SIRPG: variants seen among roughly 807,000 people sequenced by gnomAD.
SIRPG encodes signal-regulatory protein gamma.
SIRPG carries 38 observed loss-of-function variants against 35.7 expected under a neutral mutation model. The ratio of observed to expected loss-of-function variants is 1.06; its 90% confidence interval spans 0.82 to 1.40. SIRPG has a LOEUF of 1.40. Among genes scored for constraint, SIRPG ranks in the 40% most tolerant of loss-of-function variants. The pLI is 0.00. For synonymous variants in SIRPG, 215 were observed against 190.4 expected (o/e 1.13, Z -1.06); for missense variants, 519 against 483.0 (o/e 1.07, Z -0.70).
rs1465470091 is a variant in SIRPG at position 1,630,273 on chromosome 20, A to C, written c.1115T>G (p.Ile372Arg). 6.4e-7 allele frequency: 1 copy of C among 1,573,588 alleles called. No homozygotes were observed. Among genetic ancestry groups the C allele is most frequent in the African/African-American group, 1.3e-5 (1 of 74,260 alleles). ...GTAGATGGGGCCCAGGAGGACAGCT[A>C]TGAGGAGCAGCGCAGTAAGGGATGA... is the stretch of plus-strand genomic sequence containing the variant. Reference protein sequence around the residue: ...PASSLTALLLIAVLLGPIYVP... With the variant: ...PASSLTALLLRAVLLGPIYVP... Residue 372 changes from isoleucine (I) to arginine (R), a missense_variant, in exon 5 of 6, where the codon ATA becomes AGA. Ile to Arg is a moderately conservative substitution (Grantham distance 97). Coordinates refer to ENST00000303415, the MANE Select transcript of SIRPG (RefSeq NM_018556.4).
At chr20:1,655,070 C>G (rs73080802) in intron 1 of SIRPG, among the ~76,000 whole-genome samples, 1 of 152,132 alleles carries the variant, frequency 6.6e-6, no homozygotes, top group Non-Finnish European at 1.5e-5. Flanking sequence ...CCCTTGCAGA[C>G]AGTTGGTGGG....
At chr20:1,670,092 G>A in the SIRPG span, 15 of 252,666 alleles carry the variant, frequency 5.9e-5, no homozygotes, top group Non-Finnish European at 1.1e-4. Context: ...TTCTCAATGA[G>A]GATGGAGGCT....
chr20:1,645,784 C>T (rs1294261421), intron 2 of SIRPG, among the ~76,000 whole-genome samples: 1 of 152,176 alleles, frequency 6.6e-6, no homozygotes, highest in African/African-American at 2.4e-5. Flanking sequence ...AACCACTGTT[C>T]TGCCGAAGCT....
Position 1,636,214 on chromosome 20 carries a change from G to C in SIRPG, c.722C>G (p.Thr241Ser), listed in dbSNP as rs1262888704. 1 of 1,614,188 alleles carries C rather than the reference G, an allele frequency of 6.2e-7. No homozygotes were observed. Among genetic ancestry groups the C allele is most frequent in the East Asian group, 2.2e-5 (1 of 44,878 alleles). The change falls in exon 3 of 6, where the codon ACT becomes AGT. Residue 241 changes from threonine to serine, a missense_variant. Thr to Ser is a moderately conservative substitution (Grantham distance 58). Transcript: ENST00000303415. Reference protein sequence around the residue: ...VTLQGDPLRGTANLSEAIRVP... With the variant: ...VTLQGDPLRGSANLSEAIRVP... Reference sequence around the variant, plus strand: ...TCGGATGGCCTCAGACAAGTTGGCAGTCCCACGAAGAGGGTCCCCCTGCAA... The same window carrying C: ...TCGGATGGCCTCAGACAAGTTGGCACTCCCACGAAGAGGGTCCCCCTGCAA...
upstream of SIRPG, among the ~76,000 whole-genome samples, chr20:1,657,973 G>A (rs1451507403): frequency 2.0e-5 from 3 of 152,200 alleles, no homozygotes; most frequent in Non-Finnish European, 4.4e-5. Context: ...GCCTGCCTGG[G>A]ACCTGTGCTC....
chr20:1,677,591 A>G, the SIRPG span, among the ~76,000 whole-genome samples: 3 of 152,218 alleles, frequency 2.0e-5, no homozygotes, highest in Non-Finnish European at 4.4e-5. Context: ...CACCCATAGC[A>G]TAAGTTTCCT....
At chr20:1,669,720 G>T in the SIRPG span, among the ~76,000 whole-genome samples, 1 of 152,134 alleles carries the variant, frequency 6.6e-6, no homozygotes, top group Non-Finnish European at 1.5e-5. Flanking sequence ...ATATATATTT[G>T]TGTCAAAAGA....
chr20:1,669,734 A>G, the SIRPG span, among the ~76,000 whole-genome samples: 1 of 152,208 alleles, frequency 6.6e-6, no homozygotes, highest in Non-Finnish European at 1.5e-5. Flanking sequence ...CAAAAGATCT[A>G]CCAAGTTGTG....
At chr20:1,630,546 G>C (rs1053024423) in intron 4 of SIRPG, 1 of 486,690 alleles carries the variant, frequency 2.1e-6, no homozygotes, top group African/African-American at 2.0e-5. Flanking sequence ...GGTGGAGGGG[G>C]TGTGTACTCA....
upstream of SIRPG, among the ~76,000 whole-genome samples, chr20:1,660,348 A>C (rs1434548347): frequency 6.6e-6 from 1 of 152,258 alleles, no homozygotes; most frequent in Admixed American, 6.5e-5. Context: ...ACACCCAAAC[A>C]AAGTAATGTG....
intron 1 of SIRPG, among the ~76,000 whole-genome samples, chr20:1,649,629 C>CTTTTTTTTTTTTT (rs35561366): frequency 2.0e-4 from 15 of 75,790 alleles, no homozygotes; most frequent in African/African-American, 7.4e-4. Context: ...CAGAGAGGTT[C>CTTTTTTTTTTTTT]TTTTTTTTTT....
rs776867335 is a variant in SIRPG at position 1,652,441 on chromosome 20, A to G, written c.74-3033T>C. ...TACTACTGGATTTGTTGATGCAACAATCCTCAACCAAATACTAGCTAACTG... is the reference window on the plus strand; with the variant it reads ...TACTACTGGATTTGTTGATGCAACAGTCCTCAACCAAATACTAGCTAACTG... On this transcript the variant is annotated intron_variant, in intron 1 of 5. Transcript: ENST00000303415. Among the ~76,000 whole-genome samples, 4 of 152,252 alleles carry G rather than the reference A, an allele frequency of 2.6e-5. No homozygotes were observed. In the South Asian group the frequency reaches 8.3e-4, roughly 31 times the overall value.
chr20:1,655,573 A>C (rs1332423781), intron 1 of SIRPG, among the ~76,000 whole-genome samples: 2 of 152,210 alleles, frequency 1.3e-5, no homozygotes, highest in East Asian at 3.8e-4. Context: ...TTTCAATTTA[A>C]ATAAGAGAAA....
upstream of SIRPG, chr20:1,657,791 A>G (rs2091984635): frequency 1.5e-6 from 2 of 1,337,220 alleles, no homozygotes; most frequent in Middle Eastern, 1.9e-4. Flanking sequence ...AAGACAGAAG[A>G]CAAGCCCTGC....
chr20:1,657,779 T>C lies in SIRPG; in HGVS notation c.-65A>G. ...TCTGGGGAGATGTCAGGCCCTGCTC[T>C]GAAGACAGAAGACAAGCCCTGCCTC... On this transcript the variant is annotated 5_prime_UTR_variant, in exon 1 of 6. Coordinates refer to ENST00000303415, the MANE Select transcript of SIRPG (RefSeq NM_018556.4). The C allele has an allele frequency of 1.4e-6, 2 of 1,474,342 alleles. No individual in the cohort carries two copies. Among genetic ancestry groups the C allele is most frequent in the Non-Finnish European group, 1.9e-6 (2 of 1,066,630 alleles). The allele number at this position is 1,474,342 out of a possible 1,614,324, so 91.3% of individuals were successfully genotyped here.
At chr20:1,648,218 C>T (rs2091911323) in intron 2 of SIRPG, 2 of 152,216 alleles carry the variant, frequency 1.3e-5, no homozygotes, top group Non-Finnish European at 2.9e-5. Flanking sequence ...ACCCCTGAGC[C>T]ACCCATACGT....
chr20:1,661,822 GGA>G (rs1191956573), upstream of SIRPG, among the ~76,000 whole-genome samples: 1 of 152,170 alleles, frequency 6.6e-6, no homozygotes, highest in Non-Finnish European at 1.5e-5. Context: ...AGCCAGTACT[GGA>G]GAGAGGTCCA....
At chr20:1,643,275 T>G (rs890716078) in intron 2 of SIRPG, among the ~76,000 whole-genome samples, 2 of 152,204 alleles carry the variant, frequency 1.3e-5, no homozygotes, top group Non-Finnish European at 2.9e-5. Context: ...TTCCTTTTCA[T>G]TCTTTTTTTA....
chr20:1,659,166 C>T (rs1049480528), upstream of SIRPG, among the ~76,000 whole-genome samples: 15 of 152,182 alleles, frequency 9.9e-5, no homozygotes, highest in Non-Finnish European at 8.8e-5. Context: ...TGGTTCTCTG[C>T]CACCGTTGTG....
Sources: gnomAD v4.1 joint callset for allele counts (sites outside exome capture counted in the v4.1 genomes callset) on GRCh38, gnomAD v4.1.1 for gene constraint, MANE v1.5 for transcripts, NCBI Gene and HGNC (gene_info 2026-07-23, HGNC 2026-07-21) for gene names.